The following NT5DC4 variants were observed in gnomAD, a reference collection of about 807,000 sequenced individuals.
NT5DC4 encodes 5'-nucleotidase domain containing 4, also known as 5'-nucleotidase domain-containing protein 4.
In NT5DC4, 44 loss-of-function variants were observed where a neutral mutation model predicts 26.6. That is an observed-to-expected ratio of 1.65 (90% CI 1.30 to 2.13). NT5DC4 has a LOEUF of 2.13. NT5DC4 is among the 30% of genes most tolerant of loss of function. The pLI is 0.00. For synonymous variants in NT5DC4, 157 were observed against 86.7 expected (o/e 1.81, Z -4.51); for missense variants, 399 against 228.1 (o/e 1.75, Z -4.83).
chr2:112,731,655 A>G (rs1678499338), intron 16 of NT5DC4: 1 of 152,232 alleles, frequency 6.6e-6, no homozygotes, highest in Admixed American at 6.5e-5. Flanking sequence ...TCTCTGTGGT[A>G]TTAAAGTGCT....
intron 3 of NT5DC4, 30 bp downstream of exon 3, chr2:112,722,133 C>G (rs1210602246): frequency 1.4e-6 from 1 of 710,616 alleles, no homozygotes; most frequent in African/African-American, 1.8e-5. Context: ...TGGGAGGCCA[C>G]CCGGCCTTGG....
rs186161331 is a variant in NT5DC4, at chr2:112,729,745, C to T, written c.1344+41C>T. On this transcript the variant is annotated intron_variant, in intron 16 of 16. Transcript: ENST00000688554. ...CGACGAACTCTGTGGCTTGGGGTCC[C>T]ATGGGCTAGAGTAGTGGTTCCCAGT... 91 of 717,106 alleles carry T rather than the reference C, an allele frequency of 1.3e-4. No individual in the cohort carries two copies. In the African/African-American group the frequency reaches 1.4e-3, roughly 11 times the overall value. 44.4% of individuals were successfully genotyped at this position (717,106 alleles called of 1,614,324 possible). A position where few individuals can be genotyped will look rare whatever the true frequency, so the allele number is the denominator to read the frequency against.
downstream of NT5DC4, among the ~76,000 whole-genome samples, chr2:112,739,913 C>G (rs549580194): frequency 6.6e-6 from 1 of 152,232 alleles, no homozygotes; most frequent in African/African-American, 2.4e-5. Context: ...CTCGGCCTAC[C>G]AAAGTGACAG....
At chr2:112,735,195 C>A (rs1314583563) in intron 16 of NT5DC4, among the ~76,000 whole-genome samples, 1 of 151,490 alleles carries the variant, frequency 6.6e-6, no homozygotes, top group Non-Finnish European at 1.5e-5. Flanking sequence ...AGGTGCGTAC[C>A]CCCACGCCTG....
downstream of NT5DC4, chr2:112,742,735 A>G (rs757447326): frequency 7.5e-6 from 12 of 1,609,030 alleles, no homozygotes; most frequent in East Asian, 2.0e-4. Flanking sequence ...GTCTTGCAAG[A>G]TATTAAGAAC....
chr2:112,741,347 C>T (rs1025534228), downstream of NT5DC4, among the ~76,000 whole-genome samples: 5 of 152,170 alleles, frequency 3.3e-5, no homozygotes, highest in African/African-American at 9.7e-5. Flanking sequence ...TCTACCCTTA[C>T]ACCACACCTT....
chr2:112,737,227 C>A (rs1679327688), intron 16 of NT5DC4: 1 of 152,116 alleles, frequency 6.6e-6, no homozygotes, highest in South Asian at 2.1e-4. Context: ...CTGGTGATTT[C>A]ATCTTCTTTG....
At chr2:112,724,180 G>T in intron 10 of NT5DC4, 54 bp downstream of exon 10, 1 of 716,344 alleles carries the variant, frequency 1.4e-6, no homozygotes, top group East Asian at 2.7e-5. Context: ...AAAGGGCCAG[G>T]GTGCCAGGCT....
chr2:112,722,135 C>T lies in NT5DC4; in HGVS notation c.266+32C>T, dbSNP rs1316933369. The T allele has an allele frequency of 1.6e-5, 11 of 709,604 alleles. No homozygotes were observed. The East Asian group carries it at 1.9e-4, about 12-fold the overall frequency. 44.0% of individuals were successfully genotyped at this position (709,604 alleles called of 1,614,324 possible). ...GGCTCAGGACAGGTGGGAGGCCACC[C>T]GGCCTTGGTACCCCCACCCACAGTG... is the stretch of plus-strand genomic sequence containing the variant. On this transcript the variant is annotated intron_variant, in intron 3 of 16. Coordinates refer to ENST00000688554, the MANE Select transcript of NT5DC4 (RefSeq NM_001393655.1).
chr2:112,732,163 G>A (rs1444342098), intron 16 of NT5DC4, among the ~76,000 whole-genome samples: 1 of 151,910 alleles, frequency 6.6e-6, no homozygotes, highest in East Asian at 1.9e-4. Flanking sequence ...CGCCTGCCTC[G>A]GCCTCTTAAC....
chr2:112,724,666 A>C (rs1205801718), intron 10 of NT5DC4, 115 bp from the exon 11 acceptor site: 6 of 656,378 alleles, frequency 9.1e-6, no homozygotes, highest in Admixed American at 4.3e-5. Context: ...GGGGCTGAAG[A>C]GGTCTCATCC....
In NT5DC4 at chr2:112,723,072, C is replaced by T. The variant is rs1215530456; in HGVS notation, c.528-9C>T. 1.4e-6 allele frequency: 1 copy of T among 712,302 alleles called. No individual in the cohort carries two copies. The highest frequency in any genetic ancestry group is 2.6e-6 in the Non-Finnish European group (1 of 382,088). The allele number at this position is 712,302 out of a possible 1,614,324, so 44.1% of individuals were successfully genotyped here. A position where few individuals can be genotyped will look rare whatever the true frequency, so the allele number is the denominator to read the frequency against. ...ATTGGCCTCCCCGTCCCCTCTTTGCCTGCCCCAGTTGTGACACCGGCTATC... is the reference window on the plus strand; with the variant it reads ...ATTGGCCTCCCCGTCCCCTCTTTGCTTGCCCCAGTTGTGACACCGGCTATC... On this transcript the variant is annotated splice_polypyrimidine_tract_variant and intron_variant, in intron 6 of 16. Transcript: ENST00000688554.
chr2:112,740,867 C>G (rs758133982), downstream of NT5DC4: 2 of 1,613,982 alleles, frequency 1.2e-6, no homozygotes, highest in South Asian at 2.2e-5. Context: ...TTATGCTGTT[C>G]TGCCTTGGCT....
intron 6 of NT5DC4, 98 bp from the exon 7 acceptor site, chr2:112,722,983 C>A: frequency 3.4e-6 from 1 of 294,618 alleles, no homozygotes; most frequent in Non-Finnish European, 6.7e-6. Context: ...GTGAAGGCCC[C>A]AGTGTGGCTG....
At chr2:112,740,120 A>C (rs911866031), downstream of NT5DC4, among the ~76,000 whole-genome samples, 1 of 152,180 alleles carries the variant, frequency 6.6e-6, no homozygotes, top group Non-Finnish European at 1.5e-5. Context: ...AACTGTTTTC[A>C]TCTACTTATG....
At position 112,729,414 on chromosome 2, in the gene NT5DC4, G is replaced by A. The variant is rs1004279835; in HGVS notation, c.1267-213G>A. Reference sequence around the variant, plus strand: ...TGGGATTACAGGCGTGAGCCACCGCGCCTGGCCTTGGCCTGGGATTTTTGA... The same window carrying A: ...TGGGATTACAGGCGTGAGCCACCGCACCTGGCCTTGGCCTGGGATTTTTGA... On this transcript the variant is annotated intron_variant, in intron 15 of 16. Coordinates refer to ENST00000688554, the MANE Select transcript of NT5DC4 (RefSeq NM_001393655.1). 5.3e-5 allele frequency among the ~76,000 whole-genome samples: 8 copies of A among 152,188 alleles called. No homozygotes were observed. In the East Asian group the frequency reaches 5.8e-4, roughly 11 times the overall value.
At position 112,721,976 on chromosome 2, in the gene NT5DC4, G is replaced by T. The variant is rs1371582823; in HGVS notation, c.149-10G>T. ...GCACCAAAGCCCTGATTCTGTCCGG[G>T]CCTCTGCAGCCTACAAGTCCCCAGC... is the stretch of plus-strand genomic sequence containing the variant. On this transcript the variant is annotated splice_polypyrimidine_tract_variant and intron_variant, in intron 2 of 16. Transcript: ENST00000688554. 1.4e-6 allele frequency: 1 copy of T among 717,254 alleles called. No individual in the cohort carries two copies. The highest frequency in any genetic ancestry group is 2.6e-6 in the Non-Finnish European group (1 of 385,076). The allele number at this position is 717,254 out of a possible 1,614,324, so 44.4% of individuals were successfully genotyped here. A position where few individuals can be genotyped will look rare whatever the true frequency, so the allele number is the denominator to read the frequency against.
chr2:112,740,990 A>C, downstream of NT5DC4: 2 of 1,610,818 alleles, frequency 1.2e-6, no homozygotes, highest in Non-Finnish European at 1.7e-6. Flanking sequence ...TCAGCAACTA[A>C]AGAGTCAGAA....
chr2:112,738,711 G>A (rs1183391419), intron 16 of NT5DC4: 24 of 688,336 alleles, frequency 3.5e-5, no homozygotes, highest in East Asian at 3.0e-4. Flanking sequence ...AGTCCTGAGC[G>A]TCCATAATCT....
Sources: allele counts gnomAD v4.1 joint callset (sites outside exome capture counted in the v4.1 genomes callset), GRCh38; gene constraint gnomAD v4.1.1; transcripts MANE v1.5; gene names NCBI Gene and HGNC (gene_info 2026-07-23, HGNC 2026-07-21).